The following FHIT variants were observed in gnomAD, a reference collection of about 807,000 sequenced individuals.
FHIT encodes fragile histidine triad diadenosine triphosphatase.
A neutral mutation model predicts 17.9 loss-of-function variants in FHIT; 19 were observed. That is an observed-to-expected ratio of 1.06 (90% confidence interval 0.74 to 1.56). The LOEUF is 1.56. FHIT is among the 40% of genes most tolerant of loss of function. The pLI is 0.00. For missense variants in FHIT, 248 were observed against 189.2 expected, an observed-to-expected ratio of 1.31 and a Z score of -1.82; for synonymous variants, 81 against 69.7, an observed-to-expected ratio of 1.16 and a Z score of -0.81.
chr3:61,015,167 C>A (rs2032039338), intron 3 of FHIT, among the ~76,000 whole-genome samples: 1 of 151,986 alleles, frequency 6.6e-6, no homozygotes, highest in Non-Finnish European at 1.5e-5. Flanking sequence ...ACAATCTGAA[C>A]AATTTTCAAT....
chr3:60,662,052 AATT>A (rs2040260188), intron 4 of FHIT, among the ~76,000 whole-genome samples: 1 of 152,094 alleles, frequency 6.6e-6, no homozygotes, highest in Non-Finnish European at 1.5e-5. Context: ...TTTTTAGTTT[AATT>A]AAGTCCCATC....
chr3:60,618,972 G>A (rs184386803), intron 4 of FHIT, among the ~76,000 whole-genome samples: 13 of 151,684 alleles, frequency 8.6e-5, no homozygotes, highest in African/African-American at 2.4e-4. Flanking sequence ...AATGCAGTAC[G>A]GCTGGTACCT....
intron 2 of FHIT, among the ~76,000 whole-genome samples, chr3:61,107,834 C>T (rs2036035198): frequency 6.6e-6 from 1 of 152,170 alleles, no homozygotes; most frequent in African/African-American, 2.4e-5. Flanking sequence ...AAGTAAAATA[C>T]AGAAACAGCT....
At chr3:59,815,305 A>G (rs934913361) in intron 8 of FHIT, among the ~76,000 whole-genome samples, 1 of 152,210 alleles carries the variant, frequency 6.6e-6, no homozygotes, top group Non-Finnish European at 1.5e-5. Flanking sequence ...TACAACCACT[A>G]TGGAAAACAG....
intron 5 of FHIT, among the ~76,000 whole-genome samples, chr3:60,493,340 G>A (rs1220177072): frequency 2.0e-5 from 3 of 152,102 alleles, no homozygotes; most frequent in African/African-American, 7.2e-5. Flanking sequence ...TATATCCAAG[G>A]AAGATCATAA....
At chr3:60,572,714 A>G (rs1459478641) in intron 4 of FHIT, among the ~76,000 whole-genome samples, 1 of 152,160 alleles carries the variant, frequency 6.6e-6, no homozygotes, top group Non-Finnish European at 1.5e-5. Context: ...CCATTGATGG[A>G]AAGGATAGAA....
intron 1 of FHIT, among the ~76,000 whole-genome samples, chr3:61,202,750 A>G (rs1393259118): frequency 6.6e-6 from 1 of 152,194 alleles, no homozygotes; most frequent in Non-Finnish European, 1.5e-5. Flanking sequence ...GTCATTAGCA[A>G]AAATGAAAGT....
intron 4 of FHIT, among the ~76,000 whole-genome samples, chr3:60,540,394 T>C (rs761612428): frequency 3.9e-5 from 6 of 152,156 alleles, no homozygotes; most frequent in Non-Finnish European, 7.3e-5. Context: ...TTATAGTCAG[T>C]TGGAAGTTCC....
At chr3:60,345,660 A>G (rs1213433351) in intron 5 of FHIT, among the ~76,000 whole-genome samples, 1 of 152,198 alleles carries the variant, frequency 6.6e-6, no homozygotes, top group African/African-American at 2.4e-5. Flanking sequence ...AGATAGAAAC[A>G]CCATCTTTAC....
intron 5 of FHIT, among the ~76,000 whole-genome samples, chr3:60,480,903 G>A (rs1010577392): frequency 3.9e-5 from 6 of 152,208 alleles, no homozygotes; most frequent in Non-Finnish European, 1.5e-5. Context: ...GAGGATGGTG[G>A]CCCTCTTCTC....
At chr3:60,306,583 G>A (rs6779529) in intron 5 of FHIT, among the ~76,000 whole-genome samples, 1 of 151,900 alleles carries the variant, frequency 6.6e-6, no homozygotes, top group Non-Finnish European at 1.5e-5. Flanking sequence ...TTCTGTCTGC[G>A]TCATTTCCAT....
rs1178037868 is a variant in FHIT, at chr3:60,861,045, T to C, written c.-110-39034A>G. On this transcript the variant is annotated intron_variant, in intron 3 of 9. Coordinates refer to ENST00000492590, the MANE Select transcript of FHIT (RefSeq NM_002012.4). The stretch of plus-strand genomic sequence containing the variant: ...ATACGTATATCATGTATATATGACG[T>C]ACGTCATATATATCATGTGTATATA... Among the ~76,000 whole-genome samples, 4 of 101,272 alleles carry C rather than the reference T, an allele frequency of 3.9e-5. 1 individual carries two copies. Among genetic ancestry groups the C allele is most frequent in the Non-Finnish European group, 2.1e-5 (1 of 47,676 alleles). 66.4% of individuals were successfully genotyped at this position (101,272 alleles called of 152,430 possible). A position where few individuals can be genotyped will look rare whatever the true frequency, so the allele number is the denominator to read the frequency against.
intron 4 of FHIT, chr3:60,732,684 CTTTT>C (rs3038041): frequency 0.02 from 3,531 of 176,538 alleles, no homozygotes; most frequent in South Asian, 0.036. Flanking sequence ...GCAAAGACTG[CTTTT>C]TTTTTTTTTT....
At chr3:60,419,963 C>G (rs1043754073) in intron 5 of FHIT, among the ~76,000 whole-genome samples, 19 of 152,084 alleles carry the variant, frequency 1.2e-4, no homozygotes, top group Non-Finnish European at 1.9e-4. Context: ...ATTCATAATC[C>G]CACTACAGAT....
intron 5 of FHIT, among the ~76,000 whole-genome samples, chr3:60,413,541 G>T (rs1405859356): frequency 6.6e-6 from 1 of 152,134 alleles, no homozygotes; most frequent in Non-Finnish European, 1.5e-5. Flanking sequence ...CTCAATAAGT[G>T]CATGTTAGGT....
At chr3:61,168,569 G>T (rs1358448098) in intron 2 of FHIT, among the ~76,000 whole-genome samples, 2 of 152,158 alleles carry the variant, frequency 1.3e-5, no homozygotes, top group African/African-American at 4.8e-5. Flanking sequence ...GTCTTAACTT[G>T]AGCAATGCTG....
At chr3:61,038,412 T>G (rs930253199) in intron 3 of FHIT, among the ~76,000 whole-genome samples, 5 of 152,184 alleles carry the variant, frequency 3.3e-5, no homozygotes, top group African/African-American at 1.2e-4. Flanking sequence ...ATAACAAGTC[T>G]ACAGTGGGAA....
chr3:60,431,230 G>T (rs1033775973), intron 5 of FHIT, among the ~76,000 whole-genome samples: 12 of 140,422 alleles, frequency 8.5e-5, no homozygotes, highest in African/African-American at 2.9e-4. Flanking sequence ...AAAAAAAAAA[G>T]AATGACCATT....
chr3:60,577,487 G>A (rs2107674059), intron 4 of FHIT, among the ~76,000 whole-genome samples: 1 of 152,232 alleles, frequency 6.6e-6, no homozygotes. Context: ...ACTAAATAAG[G>A]AAGCTGGTAA....
Sources: allele counts gnomAD v4.1 joint callset (sites outside exome capture counted in the v4.1 genomes callset), GRCh38; gene constraint gnomAD v4.1.1; transcripts MANE v1.5; gene names NCBI Gene and HGNC (gene_info 2026-07-23, HGNC 2026-07-21).